The following FOXP1 variants were observed in gnomAD, a reference collection of about 807,000 sequenced individuals.
The protein encoded by FOXP1 is forkhead box P1, also known as forkhead box protein P1.
Under a neutral mutation model 98.2 loss-of-function variants are expected in FOXP1, and 15 were observed. The observed-to-expected ratio is 0.15, with a 90% confidence interval of 0.10 to 0.24. The LOEUF is 0.24. FOXP1 is among the 10% of genes least tolerant of loss of function. FOXP1 has a pLI of 1.00. For synonymous variants in FOXP1, 371 were observed against 314.5 expected (o/e 1.18, Z -1.90); for missense variants, 633 against 848.5 (o/e 0.75, Z 3.15).
At chr3:71,268,767 C>A (rs1270559024) in intron 5 of FOXP1, among the ~76,000 whole-genome samples, 3 of 152,194 alleles carry the variant, frequency 2.0e-5, no homozygotes, top group Non-Finnish European at 4.4e-5. Flanking sequence ...GGTGTGCTGT[C>A]AACCTGGGGA....
intron 4 of FOXP1, among the ~76,000 whole-genome samples, chr3:71,348,520 T>C (rs1409012955): frequency 4.5e-4 from 19 of 42,678 alleles, no homozygotes; most frequent in East Asian, 1.6e-3. Flanking sequence ...TGTGTGTGTG[T>C]GCGTGTGTGT....
rs2107197065 is a variant in FOXP1, at chr3:70,972,572, C to T, written c.1635G>A (p.Arg545=). 6.2e-7 allele frequency: 1 copy of T among 1,614,214 alleles called. No individual in the cohort carries two copies. Among genetic ancestry groups the T allele is most frequent in the South Asian group, 1.1e-5 (1 of 91,090 alleles). The part of the protein sequence containing the change: ...TVDEVEFQKR[R]PQKISGNPSL... ...GGACGTACCCACTGATCTTTTGTGG[C>T]CTTCGTTTTTGGAATTCTACTTCAT... Residue 545 remains arginine (R), a synonymous_variant, in exon 18 of 21, where the codon AGG becomes AGA. Coordinates refer to ENST00000649528, the MANE Select transcript of FOXP1 (RefSeq NM_001349338.3).
chr3:71,376,307 C>T (rs895815401), intron 3 of FOXP1, among the ~76,000 whole-genome samples: 3 of 152,076 alleles, frequency 2.0e-5, no homozygotes, highest in Non-Finnish European at 4.4e-5. Context: ...AGTTGCTGTA[C>T]TGAAACAATT....
chr3:70,986,338 C>A (rs954456173), intron 14 of FOXP1, among the ~76,000 whole-genome samples: 2 of 152,194 alleles, frequency 1.3e-5, no homozygotes, highest in Non-Finnish European at 2.9e-5. Flanking sequence ...TAATTGTATC[C>A]TTCCTCTTCC....
At chr3:71,518,852 C>T (rs151246406) in intron 2 of FOXP1, among the ~76,000 whole-genome samples, 53 of 152,266 alleles carry the variant, frequency 3.5e-4, no homozygotes, top group African/African-American at 1.1e-3. Context: ...GAACTTCTAA[C>T]GAGATGCCAG....
rs145455295 is a variant in FOXP1 at position 70,958,318 on chromosome 3, T to TTTTCTG, written c.*923_*928dup. On this transcript the variant is annotated 3_prime_UTR_variant, in exon 21 of 21. Transcript: ENST00000649528. ...TTCCTAGAGTTTGTCTCTCTTTTTTTTTTCTGTCATTCATTCTCTTTCTGG... is the reference window on the plus strand; with the variant it reads ...TTCCTAGAGTTTGTCTCTCTTTTTTTTTTCTGTTTCTGTCATTCATTCTCTTTCTGG... The TTTTCTG allele has an allele frequency of 0.015, 7,800 of 536,664 alleles. 461 individuals carry two copies. The highest frequency in any genetic ancestry group is 0.13 in the African/African-American group (6,941 of 53,654). The allele number at this position is 536,664 out of a possible 1,614,324, so 33.2% of individuals were successfully genotyped here. A position where few individuals can be genotyped will look rare whatever the true frequency, so the allele number is the denominator to read the frequency against.
At chr3:71,378,013 T>C (rs1330116685) in intron 3 of FOXP1, among the ~76,000 whole-genome samples, 1 of 151,912 alleles carries the variant, frequency 6.6e-6, no homozygotes, top group African/African-American at 2.4e-5. Flanking sequence ...TTGTTTTTTG[T>C]TTTAAACAGA....
intron 2 of FOXP1, among the ~76,000 whole-genome samples, chr3:71,536,414 T>A (rs2044292643): frequency 6.6e-6 from 1 of 152,102 alleles, no homozygotes; most frequent in Non-Finnish European, 1.5e-5. Context: ...AGTCAGCAAC[T>A]GGCAGGATCA....
At chr3:70,994,337 C>T (rs1437903591) in intron 13 of FOXP1, among the ~76,000 whole-genome samples, 2 of 152,064 alleles carry the variant, frequency 1.3e-5, no homozygotes, top group East Asian at 1.9e-4. Flanking sequence ...GGAATCCCTT[C>T]AGTCCAAGAA....
At chr3:71,084,861 C>G (rs976257686) in intron 7 of FOXP1, among the ~76,000 whole-genome samples, 1 of 152,148 alleles carries the variant, frequency 6.6e-6, no homozygotes, top group South Asian at 2.1e-4. Flanking sequence ...AGCAAGACCC[C>G]GTCTCTACTA....
chr3:71,448,365 G>A (rs2086644553), intron 3 of FOXP1, among the ~76,000 whole-genome samples: 1 of 152,170 alleles, frequency 6.6e-6, no homozygotes, highest in African/African-American at 2.4e-5. Flanking sequence ...GCTGTTGACT[G>A]GTAAGGTTTA....
At chr3:71,282,899 C>A (rs979506557) in intron 5 of FOXP1, among the ~76,000 whole-genome samples, 1 of 152,198 alleles carries the variant, frequency 6.6e-6, no homozygotes. Context: ...TAGTACCAAA[C>A]AACAAGCTAT....
chr3:71,321,811 C>T (rs933059705), intron 4 of FOXP1, among the ~76,000 whole-genome samples: 2 of 151,888 alleles, frequency 1.3e-5, no homozygotes, highest in African/African-American at 4.8e-5. Context: ...TTTTAGTAGA[C>T]AAGGTTTCAT....
At chr3:71,301,978 TA>T (rs1347487461) in intron 4 of FOXP1, among the ~76,000 whole-genome samples, 8 of 152,310 alleles carry the variant, frequency 5.3e-5, no homozygotes, top group Admixed American at 3.3e-4. Context: ...TTATAAATAC[TA>T]AAACAATACG....
intron 3 of FOXP1, among the ~76,000 whole-genome samples, chr3:71,448,526 G>A (rs1256406626): frequency 1.3e-5 from 2 of 152,326 alleles, no homozygotes; most frequent in East Asian, 3.9e-4. Flanking sequence ...GTTAGGGTCT[G>A]TTGTTATTGA....
intron 4 of FOXP1, among the ~76,000 whole-genome samples, chr3:71,335,791 G>GT (rs1337713430): frequency 6.6e-6 from 1 of 152,060 alleles, no homozygotes; most frequent in Admixed American, 6.6e-5. Flanking sequence ...GATCACCTGA[G>GT]TTCAGGAGTT....
intron 7 of FOXP1, among the ~76,000 whole-genome samples, chr3:71,091,906 G>A (rs1373002250): frequency 6.6e-6 from 1 of 152,174 alleles, no homozygotes; most frequent in Non-Finnish European, 1.5e-5. Flanking sequence ...TCACGATGTA[G>A]GCTGAGTGCC....
At position 70,978,166 on chromosome 3, in the gene FOXP1, C is replaced by T. The variant is rs755683760; in HGVS notation, c.1147-137G>A. On this transcript the variant is annotated intron_variant, in intron 14 of 20. Coordinates refer to ENST00000649528, the MANE Select transcript of FOXP1 (RefSeq NM_001349338.3). ...TGTAGATGGTATGTTTACCATGAAC[C>T]GAAACACACGGTGAGTCCTGCGTGA... 7.3e-5 allele frequency: 53 copies of T among 725,732 alleles called. 1 individual carries two copies. Among genetic ancestry groups the T allele is most frequent in the South Asian group, 5.7e-4 (38 of 66,240 alleles). The allele number at this position is 725,732 out of a possible 1,614,324, so 45.0% of individuals were successfully genotyped here.
chr3:71,372,928 C>T (rs577086766), intron 3 of FOXP1, among the ~76,000 whole-genome samples: 2 of 152,228 alleles, frequency 1.3e-5, no homozygotes, highest in South Asian at 4.2e-4. Flanking sequence ...CACCTTGCCC[C>T]CTACAAAATA....
Sources: gnomAD v4.1 joint callset for allele counts (sites outside exome capture counted in the v4.1 genomes callset) on GRCh38, gnomAD v4.1.1 for gene constraint, MANE v1.5 for transcripts, NCBI Gene and HGNC (gene_info 2026-07-23, HGNC 2026-07-21) for gene names.